The following LMF1 variants were observed in gnomAD, a reference collection of about 807,000 sequenced individuals.
LMF1 encodes transmembrane protein 112.
Under a neutral mutation model 60.6 loss-of-function variants are expected in LMF1, and 68 were observed. The observed-to-expected ratio is 1.12, with a 90% CI of 0.92 to 1.37. The LOEUF (loss-of-function observed/expected upper bound fraction) is 1.37. Among genes scored for constraint, LMF1 ranks in the 40% most tolerant of loss-of-function variants. The pLI is 0.00. For missense variants in LMF1, 948 were observed against 767.2 expected, an observed-to-expected ratio of 1.24 and a Z score of -2.78; for synonymous variants, 418 against 324.7, an observed-to-expected ratio of 1.29 and a Z score of -3.09.
At chr16:901,537 C>G (rs2070811626) in intron 4 of LMF1, 1 of 152,274 alleles carries the variant, frequency 6.6e-6, no homozygotes, top group South Asian at 2.1e-4. Context: ...GCCTTCAACG[C>G]TGTGACTTGA....
In LMF1 at chr16:962,663, T is replaced by C. The variant is rs1215469076; in HGVS notation, c.194-7997A>G. On this transcript the variant is annotated intron_variant, in intron 1 of 10. Transcript: ENST00000262301. The surrounding 1 kb of genome is among the most constrained non-coding windows in gnomAD (Gnocchi z 4.5). ...CTACAGACGCCATGACAGGCCTGCT[T>C]GACACTGTCAAGGTCGGAATCCTGC... Among the ~76,000 whole-genome samples, 1 of 152,122 alleles carries C rather than the reference T, an allele frequency of 6.6e-6. No homozygotes were observed. The highest frequency in any genetic ancestry group is 1.5e-5 in the Non-Finnish European group (1 of 68,002).
At chr16:946,478 C>CT (rs564770945) in intron 2 of LMF1, among the ~76,000 whole-genome samples, 173 of 152,330 alleles carry the variant, frequency 1.1e-3, no homozygotes, top group African/African-American at 4.0e-3. Context: ...CTGTGGCCTC[C>CT]TATCCAGGGC....
chr16:960,263 T>C (rs2072795616), intron 1 of LMF1, among the ~76,000 whole-genome samples: 1 of 149,526 alleles, frequency 6.7e-6, no homozygotes, highest in Non-Finnish European at 1.5e-5. Context: ...AAACTCACAG[T>C]GACAGCACTG....
At chr16:861,102 C>A (rs377191042) in intron 10 of LMF1, among the ~76,000 whole-genome samples, 6 of 152,094 alleles carry the variant, frequency 3.9e-5, no homozygotes, top group Admixed American at 3.9e-4. Context: ...TTCCAACCCA[C>A]GAACGCGGCC....
intron 4 of LMF1, among the ~76,000 whole-genome samples, chr16:895,660 C>A (rs1022317503): frequency 6.6e-6 from 1 of 152,136 alleles, no homozygotes; most frequent in Non-Finnish European, 1.5e-5. Context: ...CTGCACCGCG[C>A]CCTGAAGGAC....
chr16:928,788 C>A (rs2151778763), intron 3 of LMF1, among the ~76,000 whole-genome samples: 1 of 152,226 alleles, frequency 6.6e-6, no homozygotes, highest in Admixed American at 6.5e-5. Context: ...CATGGGGGCC[C>A]AGTGGTGCAA....
At chr16:977,232 C>T (rs879627137) in intron 1 of LMF1, 28 of 392,886 alleles carry the variant, frequency 7.1e-5, no homozygotes, top group Admixed American at 5.9e-4. Context: ...AACCGGAACT[C>T]GTGCCCCAGC....
chr16:856,302 G>T (rs2069182728), intron 10 of LMF1, among the ~76,000 whole-genome samples: 1 of 152,154 alleles, frequency 6.6e-6, no homozygotes, highest in Non-Finnish European at 1.5e-5. Context: ...GTGGTGCCAG[G>T]CAGAGAAGTC....
chr16:894,811 C>T (rs939286098), intron 4 of LMF1, among the ~76,000 whole-genome samples: 5 of 152,192 alleles, frequency 3.3e-5, no homozygotes, highest in Admixed American at 6.5e-5. Flanking sequence ...CCTCCGTGGG[C>T]GTGCTGGGGT....
chr16:876,743 C>T (rs1332143182), intron 6 of LMF1, among the ~76,000 whole-genome samples: 8 of 151,546 alleles, frequency 5.3e-5, no homozygotes, highest in East Asian at 3.9e-4. Flanking sequence ...CTGAGGACCT[C>T]GGGGGGTCAT....
chr16:858,404 G>C (rs371495242), intron 10 of LMF1, among the ~76,000 whole-genome samples: 1 of 48,500 alleles, frequency 2.1e-5, no homozygotes, highest in Admixed American at 1.7e-4. Flanking sequence ...ACGGGTGTGA[G>C]TGGTGTCACG....
At chr16:857,636 G>GC (rs149757872) in intron 10 of LMF1, among the ~76,000 whole-genome samples, 1 of 35,658 alleles carries the variant, frequency 2.8e-5, no homozygotes, top group Non-Finnish European at 4.8e-5. Context: ...GGACGGGTGT[G>GC]AGTGGTGTCA....
At chr16:978,007 A>ATG (rs2073210263) in intron 1 of LMF1, among the ~76,000 whole-genome samples, 1 of 127,004 alleles carries the variant, frequency 7.9e-6, no homozygotes, top group East Asian at 2.3e-4. Flanking sequence ...CACACACACC[A>ATG]CACACACACA....
chr16:977,049 G>A (rs1008464575), intron 1 of LMF1: 6 of 454,068 alleles, frequency 1.3e-5, no homozygotes, highest in African/African-American at 6.0e-5. Context: ...GACGTAAGCT[G>A]CAGCAGGGCC....
intron 5 of LMF1, among the ~76,000 whole-genome samples, chr16:888,622 G>T (rs527861664): frequency 2.0e-5 from 3 of 152,212 alleles, no homozygotes; most frequent in Non-Finnish European, 4.4e-5. Flanking sequence ...TCAGGCAACC[G>T]CTCCGATGTG....
intron 1 of LMF1, among the ~76,000 whole-genome samples, chr16:969,283 C>G (rs920184466): frequency 6.6e-6 from 1 of 152,032 alleles, no homozygotes; most frequent in Non-Finnish European, 1.5e-5. Context: ...CCGTTGCGCT[C>G]CAGCCTGGGC....
chr16:923,337 C>T (rs564692802), intron 3 of LMF1, among the ~76,000 whole-genome samples: 4 of 152,234 alleles, frequency 2.6e-5, no homozygotes, highest in Middle Eastern at 3.4e-3. Context: ...CTCCCCATTG[C>T]GTGGCTTCCT....
At chr16:887,340 C>G (rs1010019154) in intron 5 of LMF1, among the ~76,000 whole-genome samples, 1 of 152,220 alleles carries the variant, frequency 6.6e-6, no homozygotes, top group Non-Finnish European at 1.5e-5. Context: ...GGGCGCCTGC[C>G]TGACACGGGG....
intron 2 of LMF1, among the ~76,000 whole-genome samples, chr16:939,966 T>A (rs2072051486): frequency 6.6e-6 from 1 of 151,956 alleles, no homozygotes; most frequent in Non-Finnish European, 1.5e-5. Context: ...AAGTTAAGGA[T>A]CTCGAGGTGA....
Sources: gnomAD v4.1 joint callset for allele counts (sites outside exome capture counted in the v4.1 genomes callset) on GRCh38, gnomAD v4.1.1 for gene constraint, Gnocchi (gnomAD v3.1) non-coding constraint, MANE v1.5 for transcripts, NCBI Gene and HGNC (gene_info 2026-07-23, HGNC 2026-07-21) for gene names.